CALY: variants seen among roughly 807,000 people sequenced by gnomAD.
The protein encoded by CALY is neuron-specific vesicular protein calcyon.
In CALY, 15 loss-of-function variants were observed where a neutral mutation model predicts 20.2. The ratio of observed to expected loss-of-function variants is 0.74; its 90% CI spans 0.50 to 1.14. CALY has a LOEUF of 1.14. Among genes scored for constraint, CALY ranks in the 50% most tolerant of loss-of-function variants. The pLI is 0.00. For missense variants in CALY, 270 were observed against 304.4 expected (o/e 0.89, Z 0.84); for synonymous variants, 129 against 131.8 (o/e 0.98, Z 0.15).
chr10:133,329,203 C>A (rs770736282), intron 1 of CALY, among the ~76,000 whole-genome samples, 194 bp from the exon 2 acceptor site: 2 of 152,212 alleles, frequency 1.3e-5, no homozygotes, highest in Non-Finnish European at 2.9e-5. Flanking sequence ...GCTGTACCTT[C>A]TTGACCCCCA....
intron 3 of CALY, chr10:133,327,299 C>T (rs912760486): frequency 1.2e-5 from 6 of 501,140 alleles, no homozygotes; most frequent in African/African-American, 1.1e-4. Flanking sequence ...GCGGTGTGGG[C>T]TCCCAGGGGA....
intron 5 of CALY, 33 bp downstream of exon 5, chr10:133,325,766 A>G (rs1003719334): frequency 7.0e-6 from 7 of 1,002,506 alleles, no homozygotes; most frequent in African/African-American, 6.8e-5. Context: ...AGACCTGGGC[A>G]GAGCCGGCCG....
chr10:133,326,380 T>C (rs1245077145), intron 4 of CALY: 19 of 967,520 alleles, frequency 2.0e-5, no homozygotes, highest in Non-Finnish European at 3.1e-5. Flanking sequence ...CAGCAAGGAC[T>C]CTGCGGAGCG....
At chr10:133,326,204 G>A in intron 4 of CALY, 84 bp from the exon 5 acceptor site, 1 of 1,553,902 alleles carries the variant, frequency 6.4e-7, no homozygotes, top group Non-Finnish European at 8.7e-7. Flanking sequence ...CTGCGGTTGG[G>A]GACACTGCGG....
chr10:133,335,669 C>G (rs1433574308), intron 1 of CALY, among the ~76,000 whole-genome samples: 1 of 152,228 alleles, frequency 6.6e-6, no homozygotes. Flanking sequence ...ATTGCTGCGT[C>G]ATGGGGGCCT....
In CALY at chr10:133,324,481, T is replaced by G. The variant is rs1370147210; in HGVS notation, c.*1114A>C. The G allele has an allele frequency of 2.3e-6, 1 of 429,908 alleles. No individual in the cohort carries two copies. Among genetic ancestry groups the G allele is most frequent in the African/African-American group, 2.2e-5 (1 of 45,984 alleles). 26.6% of individuals were successfully genotyped at this position (429,908 alleles called of 1,614,324 possible). ...GGTCGGGGGCTGGGGTGGGCGGGGC[T>G]GCAGAGCCGCTGCTGGCTGGGGTGG... On this transcript the variant is annotated 3_prime_UTR_variant, in exon 6 of 6. Transcript: ENST00000252939.
chr10:133,334,569 AG>A (rs1196743158), intron 1 of CALY, among the ~76,000 whole-genome samples: 2 of 27,676 alleles, frequency 7.2e-5, no homozygotes, highest in African/African-American at 3.1e-4. Context: ...GGAGGCTCTG[AG>A]GGGGAAGGAC....
intron 1 of CALY, among the ~76,000 whole-genome samples, chr10:133,330,350 CAAAAAAAAAAAAA>C (rs59986083): frequency 8.2e-5 from 3 of 36,750 alleles, no homozygotes; most frequent in African/African-American, 2.1e-4. Context: ...GAAACTCTGC[CAAAAAAAAAAAAA>C]AAAAAAAAAA....
At chr10:133,326,212 C>A (rs969637002) in intron 4 of CALY, 92 bp from the exon 5 acceptor site, 20 of 1,553,018 alleles carry the variant, frequency 1.3e-5, no homozygotes, top group Middle Eastern at 1.7e-4. Context: ...GGGGACACTG[C>A]GGACAGTTTG....
At chr10:133,328,690 G>A (rs1848253801) in intron 2 of CALY, among the ~76,000 whole-genome samples, 165 bp downstream of exon 2, 1 of 152,226 alleles carries the variant, frequency 6.6e-6, no homozygotes, top group Non-Finnish European at 1.5e-5. Flanking sequence ...TGACCAGGAG[G>A]TCACACAGAG....
intron 1 of CALY, among the ~76,000 whole-genome samples, chr10:133,336,135 C>G (rs1848438305): frequency 1.3e-5 from 2 of 152,166 alleles, no homozygotes; most frequent in Admixed American, 1.3e-4. Context: ...CGCAGCCTCC[C>G]GCCCCTGGCG....
chr10:133,336,572 C>T (rs1317983233), intron 1 of CALY, among the ~76,000 whole-genome samples: 1 of 152,028 alleles, frequency 6.6e-6, no homozygotes, highest in South Asian at 2.1e-4. Context: ...GACCACCGCC[C>T]TCGGGTCCGC....
intron 1 of CALY, among the ~76,000 whole-genome samples, chr10:133,336,008 C>G (rs1042878934): frequency 5.3e-5 from 8 of 152,116 alleles, no homozygotes; most frequent in East Asian, 1.9e-4. Flanking sequence ...TGCGCCCCCC[C>G]CAACCATGGA....
At chr10:133,329,917 G>C (rs1589853413) in intron 1 of CALY, among the ~76,000 whole-genome samples, 1 of 152,238 alleles carries the variant, frequency 6.6e-6, no homozygotes, top group Non-Finnish European at 1.5e-5. Flanking sequence ...GGCCACAAGA[G>C]GGCACCCGCG....
chr10:133,326,963 G>C lies in CALY; in HGVS notation c.275C>G (p.Ala92Gly). ...RLPTARMIAF[A>G]MALLGCVLIM... is the part of the protein sequence containing the mutation. The stretch of plus-strand genomic sequence containing the variant: ...CAGCACGCAGCCCAGTAGCGCCATG[G>C]CGAAGGCGATCATCCGTGCGGTGGG... Residue 92 changes from alanine to glycine, a missense_variant, in exon 4 of 6, where the codon GCC becomes GGC. Physicochemically the swap from Ala to Gly is moderately conservative, Grantham distance 60. Transcript: ENST00000252939. The C allele has an allele frequency of 6.2e-7, 1 of 1,610,236 alleles. No homozygotes were observed. The highest frequency in any genetic ancestry group is 1.3e-5 in the African/African-American group (1 of 75,050).
chr10:133,327,129 G>A, intron 3 of CALY, 138 bp from the exon 4 acceptor site: 1 of 658,326 alleles, frequency 1.5e-6, no homozygotes, highest in Non-Finnish European at 2.7e-6. Flanking sequence ...GGCAGCCAGT[G>A]GCTTTTCCAA....
At chr10:133,332,778 G>T (rs1317422160) in intron 1 of CALY, among the ~76,000 whole-genome samples, 2 of 152,098 alleles carry the variant, frequency 1.3e-5, no homozygotes, top group Non-Finnish European at 2.9e-5. Context: ...AACTGGTATC[G>T]TTATTAAAAC....
In CALY at chr10:133,325,930, G is replaced by C; in HGVS notation, c.551C>G (p.Ala184Gly). The part of the protein sequence containing the change: ...EERKGPTQAG[A>G]AAAATEPPGK... ...GGGGGGTTCGGTGGCCGCCGCCGCC[G>C]CCCCAGCCTGGGTGGGCCCCTTGCG... Residue 184 changes from alanine (A) to glycine (G), a missense_variant, in exon 5 of 6, where the codon GCG (alanine) becomes GGG (glycine). Physicochemically the swap from Ala to Gly is moderately conservative, Grantham distance 60. Transcript: ENST00000252939. 1 of 1,328,108 alleles carries C rather than the reference G, an allele frequency of 7.5e-7. No individual in the cohort carries two copies. Among genetic ancestry groups the C allele is most frequent in the Non-Finnish European group, 9.7e-7 (1 of 1,033,128 alleles). The allele number at this position is 1,328,108 out of a possible 1,614,324, so 82.3% of individuals were successfully genotyped here.
rs1359762531 is a variant in CALY, at chr10:133,328,897, G to A, written c.93C>T (p.Ser31=). ...GAAMDSVPLI[S]PLDISQLQPP... ...GCTGGAGCTGGCTGATGTCCAAGGG[G>A]CTGATCAGAGGCACACTGTCCATGG... The change falls in exon 2 of 6, where the codon AGC becomes AGT. Residue 31 remains serine (S), a synonymous_variant. Coordinates refer to ENST00000252939, the MANE Select transcript of CALY (RefSeq NM_015722.4). The A allele has an allele frequency of 1.3e-6, 2 of 1,550,960 alleles. No homozygotes were observed. Among genetic ancestry groups the A allele is most frequent in the Non-Finnish European group, 8.7e-7 (1 of 1,148,012 alleles).
Sources: gnomAD v4.1 joint callset for allele counts (sites outside exome capture counted in the v4.1 genomes callset) on GRCh38, gnomAD v4.1.1 for gene constraint, MANE v1.5 for transcripts, NCBI Gene and HGNC (gene_info 2026-07-23, HGNC 2026-07-21) for gene names.